ZFHX4: variants seen among roughly 807,000 people sequenced by gnomAD.
ZFHX4 encodes the protein zinc finger homeobox 4.
A neutral mutation model predicts 267.6 loss-of-function variants in ZFHX4; 56 were observed. That is an observed-to-expected ratio of 0.21 (90% CI 0.17 to 0.26). The LOEUF (loss-of-function observed/expected upper bound fraction) is 0.26. Ranked by LOEUF, ZFHX4 falls within the 10% of genes least tolerant of loss-of-function variation. The probability of loss-of-function intolerance (pLI) is 1.00; values close to 1 mark genes in which losing one functional copy is unlikely to be tolerated. For missense variants in ZFHX4, 4,332 were observed against 4,420.0 expected, an observed-to-expected ratio of 0.98 and a Z score of 0.56; for synonymous variants, 1,778 against 1,665.6, an observed-to-expected ratio of 1.07 and a Z score of -1.64.
intron 4 of ZFHX4, among the ~76,000 whole-genome samples, chr8:76,805,815 A>C (rs909085492): frequency 1.3e-5 from 2 of 152,090 alleles, no homozygotes; most frequent in African/African-American, 4.8e-5. Flanking sequence ...GTAAAGTGAT[A>C]TGAAACCTTT....
chr8:76,836,144 C>T (rs1812087378), intron 5 of ZFHX4, among the ~76,000 whole-genome samples: 2 of 152,222 alleles, frequency 1.3e-5, no homozygotes, highest in African/African-American at 4.8e-5. Flanking sequence ...GATGAAGTCC[C>T]TCACTTTAGA....
intron 4 of ZFHX4, among the ~76,000 whole-genome samples, chr8:76,830,022 G>A (rs991121276): frequency 1.4e-4 from 22 of 152,224 alleles, no homozygotes; most frequent in African/African-American, 4.6e-4. Context: ...ATAGTTCAAT[G>A]TATCATTGTG....
At chr8:76,829,964 A>C (rs971591275) in intron 4 of ZFHX4, among the ~76,000 whole-genome samples, 1 of 152,150 alleles carries the variant, frequency 6.6e-6, no homozygotes, top group Non-Finnish European at 1.5e-5. Context: ...ATGCAGAATC[A>C]AAAAAAGGAA....
At chr8:76,744,953 G>T (rs1489270903) in intron 3 of ZFHX4, among the ~76,000 whole-genome samples, 1 of 151,968 alleles carries the variant, frequency 6.6e-6, no homozygotes, top group South Asian at 2.1e-4. Context: ...TCTGGTTTTT[G>T]AAAAAAGTAC....
rs1808285569 is a variant in ZFHX4 at position 76,706,687 on chromosome 8, T to A, written c.2590+9T>A. On this transcript the variant is annotated intron_variant, in intron 2 of 10. Coordinates refer to ENST00000651372, the MANE Select transcript of ZFHX4 (RefSeq NM_024721.5). ...TTTGGCACCAGGGCTCGGTTAGTAT[T>A]TCCTGCTTTTCTGCACTGTTGTTAG... The A allele has an allele frequency of 3.9e-6, 6 of 1,549,844 alleles. No homozygotes were observed. The highest frequency in any genetic ancestry group is 1.4e-5 in the African/African-American group (1 of 72,798).
At chr8:76,730,327 C>T (rs951717909) in intron 3 of ZFHX4, among the ~76,000 whole-genome samples, 1 of 152,132 alleles carries the variant, frequency 6.6e-6, no homozygotes, top group Non-Finnish European at 1.5e-5. Flanking sequence ...TGTATTCATT[C>T]TGCAAACTGT....
At chr8:76,829,232 T>C (rs767470800) in intron 4 of ZFHX4, among the ~76,000 whole-genome samples, 1 of 136,018 alleles carries the variant, frequency 7.4e-6, no homozygotes, top group Non-Finnish European at 1.5e-5. Context: ...GGCCATGAGA[T>C]TTGTATGGAT....
At chr8:76,725,054 T>C (rs1348098991) in intron 3 of ZFHX4, among the ~76,000 whole-genome samples, 1 of 151,878 alleles carries the variant, frequency 6.6e-6, no homozygotes, top group Non-Finnish European at 1.5e-5. Context: ...TATATGTATG[T>C]ATAGCTCTTC....
At chr8:76,738,910 T>TA (rs1313021778) in intron 3 of ZFHX4, among the ~76,000 whole-genome samples, 1 of 151,980 alleles carries the variant, frequency 6.6e-6, no homozygotes, top group Non-Finnish European at 1.5e-5. Context: ...AGATGGGGTT[T>TA]TACCATGTTG....
chr8:76,762,988 G>A (rs966911337), intron 3 of ZFHX4, among the ~76,000 whole-genome samples: 1 of 152,200 alleles, frequency 6.6e-6, no homozygotes, highest in African/African-American at 2.4e-5. Context: ...CTGCTTTGAG[G>A]TGCTGGATCG....
chr8:76,779,299 G>T (rs1810485998), intron 4 of ZFHX4, among the ~76,000 whole-genome samples: 1 of 152,012 alleles, frequency 6.6e-6, no homozygotes, highest in Non-Finnish European at 1.5e-5. Flanking sequence ...CCTAGGTGGT[G>T]TTTTAAATCT....
chr8:76,695,985 G>A (rs1383811915), intron 1 of ZFHX4, among the ~76,000 whole-genome samples: 1 of 152,160 alleles, frequency 6.6e-6, no homozygotes, highest in Non-Finnish European at 1.5e-5. Flanking sequence ...TTGAAGAAGA[G>A]TTCAAGCTTG....
At chr8:76,720,845 T>A (rs765211514) in intron 3 of ZFHX4, among the ~76,000 whole-genome samples, 65 of 152,218 alleles carry the variant, frequency 4.3e-4, no homozygotes, top group Non-Finnish European at 1.8e-4. Context: ...TATACCCATT[T>A]TGAAGATGAG....
chr8:76,694,947 G>A lies in ZFHX4; in HGVS notation c.-46-9096G>A, dbSNP rs1451738706. On this transcript the variant is annotated intron_variant, in intron 1 of 10. Transcript: ENST00000651372. Reference sequence around the variant, plus strand: ...AGTCATCAGCTCATTTGTCATGGCTGAAGTGAAAATGTCAGGACCAATGAG... The same window carrying A: ...AGTCATCAGCTCATTTGTCATGGCTAAAGTGAAAATGTCAGGACCAATGAG... Among the ~76,000 whole-genome samples, 47 of 151,798 alleles carry A rather than the reference G, an allele frequency of 3.1e-4. 1 individual carries two copies. Among genetic ancestry groups the A allele is most frequent in the Admixed American group, 3.0e-3 (46 of 15,228 alleles).
chr8:76,864,377 A>G lies in ZFHX4; in HGVS notation c.10663A>G (p.Thr3555Ala), dbSNP rs1325967797. Residue 3555 changes from threonine to alanine, a missense_variant, in exon 11 of 11, where the codon ACC becomes GCC. Thr to Ala is a moderately conservative substitution (Grantham distance 58, BLOSUM62 0). This residue lies in a region of ZFHX4 where 1,648 missense variants were observed against 1,625.0 expected (regional missense o/e 1.01). Coordinates refer to ENST00000651372, the MANE Select transcript of ZFHX4 (RefSeq NM_024721.5). ...PPSLSLPSTV[T>A]SSLCSTSGVQ... ...TTCCCTTTCCTTGCCTTCAACGGTT[A>G]CCTCAAGTTTGTGCAGCACCTCAGG... 2 of 1,613,690 alleles carry G rather than the reference A, an allele frequency of 1.2e-6. No homozygotes were observed. Among genetic ancestry groups the G allele is most frequent in the Non-Finnish European group, 1.7e-6 (2 of 1,179,862 alleles).
At position 76,706,386 on chromosome 8, in the gene ZFHX4, C is replaced by T. The variant is rs762657489; in HGVS notation, c.2298C>T (p.Thr766=). The T allele has an allele frequency of 6.2e-7, 1 of 1,614,152 alleles. No homozygotes were observed. Among genetic ancestry groups the T allele is most frequent in the South Asian group, 1.1e-5 (1 of 91,084 alleles). The change falls in exon 2 of 11, where the codon ACC becomes ACT. Residue 766 remains threonine, a synonymous_variant. Transcript: ENST00000651372. Reference sequence around the variant, plus strand: ...CGTCCAAACCCAAACAGAAACCCACCTGGCGGTGTGAAGTTTGTGATTATG... The same window carrying T: ...CGTCCAAACCCAAACAGAAACCCACTTGGCGGTGTGAAGTTTGTGATTATG... ...PSPSKPKQKP[T]WRCEVCDYET...
At position 76,854,236 on chromosome 8, in the gene ZFHX4, C is replaced by T; in HGVS notation, c.7315C>T (p.Pro2439Ser). The change falls in exon 10 of 11, where the codon CCA becomes TCA. Residue 2439 changes from proline (P) to serine (S), a missense_variant. By Grantham distance (74) the Pro-to-Ser change is moderately conservative. Coordinates refer to ENST00000651372, the MANE Select transcript of ZFHX4 (RefSeq NM_024721.5). ...ATTAGCATCGACTTCCTCGGACCCA[C>T]CACAGGCATCCACAGCCCAGCCACA... Reference protein sequence around the residue: ...LPLASTSSDPPQASTAQPQPQ... With the variant: ...LPLASTSSDPSQASTAQPQPQ... The T allele has an allele frequency of 6.4e-7, 1 of 1,567,900 alleles. No individual in the cohort carries two copies. The highest frequency in any genetic ancestry group is 1.4e-5 in the African/African-American group (1 of 73,666).
chr8:76,853,555 C>A lies in ZFHX4; in HGVS notation c.6634C>A (p.Pro2212Thr). Residue 2212 changes from proline to threonine, a missense_variant, in exon 10 of 11, where the codon CCC becomes ACC. Pro to Thr is a conservative substitution (Grantham distance 38). This residue lies in a region of ZFHX4 where 48 missense variants were observed against 95.4 expected (regional missense o/e 0.50). Coordinates refer to ENST00000651372, the MANE Select transcript of ZFHX4 (RefSeq NM_024721.5). ...VLEDIRIDPQ[P>T]TSLEHYKSDA... ...AGAAGATATCAGAATTGATCCACAG[C>A]CCACCTCTTTAGAACATTACAAATC... 6.2e-7 allele frequency: 1 copy of A among 1,613,802 alleles called. No individual in the cohort carries two copies. The highest frequency in any genetic ancestry group is 8.5e-7 in the Non-Finnish European group (1 of 1,179,842).
Position 76,851,924 on chromosome 8 carries a change from A to G in ZFHX4, c.5003A>G (p.Lys1668Arg), listed in dbSNP as rs780533395. 1.9e-6 allele frequency: 3 copies of G among 1,613,916 alleles called. No individual in the cohort carries two copies. Among genetic ancestry groups the G allele is most frequent in the East Asian group, 2.2e-5 (1 of 44,884 alleles). ...VNSKDTHLDA[K>R]ELNKKQTPDL... ...AGCAAAGATACCCATTTAGATGCCA[A>G]AGAATTAAATAAAAAGCAAACTCCT... is the stretch of plus-strand genomic sequence containing the variant. Residue 1668 changes from lysine to arginine, a missense_variant, in exon 10 of 11, where the codon AAA becomes AGA. Lys to Arg is a conservative substitution (Grantham distance 26). This residue lies in a region of ZFHX4 where 1,371 missense variants were observed against 1,423.1 expected (regional missense o/e 0.96). Transcript: ENST00000651372.
Sources: allele counts gnomAD v4.1 joint callset (sites outside exome capture counted in the v4.1 genomes callset), GRCh38; gene constraint gnomAD v4.1.1; regional missense constraint gnomAD v4.1.1; transcripts MANE v1.5; gene names NCBI Gene and HGNC (gene_info 2026-07-23, HGNC 2026-07-21).